Variants in MGAT4C observed in about 807,000 individuals in gnomAD.
MGAT4C encodes MGAT4 family member C, also known as alpha-1,3-mannosyl-glycoprotein 4-beta-N-acetylglucosaminyltransferase C.
Under a neutral mutation model 40.1 loss-of-function variants are expected in MGAT4C, and 19 were observed. The observed-to-expected ratio is 0.47, with a 90% CI of 0.33 to 0.70. The LOEUF is 0.70. MGAT4C is among the 30% of genes least tolerant of loss of function. MGAT4C has a pLI of 0.02. For synonymous variants in MGAT4C, 181 were observed against 187.1 expected, an observed-to-expected ratio of 0.97 and a Z score of 0.27; for missense variants, 491 against 563.2, an observed-to-expected ratio of 0.87 and a Z score of 1.30.
intron 2 of MGAT4C, among the ~76,000 whole-genome samples, chr12:86,676,607 A>C (rs1476322527): frequency 6.6e-6 from 1 of 152,144 alleles, no homozygotes; most frequent in Non-Finnish European, 1.5e-5. Context: ...AATAATTAAG[A>C]GTAATTAGTA....
chr12:86,220,231 T>A (rs910688885), intron 1 of MGAT4C, among the ~76,000 whole-genome samples: 1 of 152,094 alleles, frequency 6.6e-6, no homozygotes, highest in African/African-American at 2.4e-5. Context: ...TGTGGGCAGC[T>A]TTCCCAAGAT....
chr12:86,564,215 G>A (rs771610024), intron 2 of MGAT4C, among the ~76,000 whole-genome samples: 1 of 152,132 alleles, frequency 6.6e-6, no homozygotes, highest in Non-Finnish European at 1.5e-5. Context: ...AACTCCAATT[G>A]CAGCTGCTGT....
intron 3 of MGAT4C, among the ~76,000 whole-genome samples, chr12:86,392,444 C>T (rs1478628538): frequency 1.3e-5 from 2 of 152,086 alleles, no homozygotes; most frequent in African/African-American, 4.8e-5. Context: ...TGCACTCCAG[C>T]CTGGGCTACA....
At chr12:86,083,848 A>T (rs541527158) in intron 1 of MGAT4C, among the ~76,000 whole-genome samples, 75 of 152,204 alleles carry the variant, frequency 4.9e-4, no homozygotes, top group African/African-American at 1.7e-3. Context: ...GGCAAGTTGC[A>T]AAAAGAGAAG....
At chr12:86,305,337 G>A (rs1953907181) in intron 4 of MGAT4C, among the ~76,000 whole-genome samples, 1 of 149,758 alleles carries the variant, frequency 6.7e-6, no homozygotes, top group Non-Finnish European at 1.5e-5. Flanking sequence ...TACAAGGGAG[G>A]CTGAAGCAGG....
At chr12:86,443,203 T>TACACACACAC (rs546506719) in intron 2 of MGAT4C, among the ~76,000 whole-genome samples, 2 of 150,038 alleles carry the variant, frequency 1.3e-5, no homozygotes, top group African/African-American at 5.0e-5. Flanking sequence ...TGTGTATATA[T>TACACACACAC]ATACACACAC....
intron 1 of MGAT4C, among the ~76,000 whole-genome samples, chr12:86,801,259 C>A (rs1196114603): frequency 6.6e-6 from 1 of 151,784 alleles, no homozygotes; most frequent in Non-Finnish European, 1.5e-5. Flanking sequence ...ACAACCACAA[C>A]TTGAGAGAGC....
At chr12:86,406,957 T>C (rs1008896241) in intron 3 of MGAT4C, among the ~76,000 whole-genome samples, 5 of 152,110 alleles carry the variant, frequency 3.3e-5, no homozygotes, top group African/African-American at 1.2e-4. Context: ...CTCAGTCCCA[T>C]ACGATTGTCC....
chr12:86,784,803 T>C (rs1218000058), intron 1 of MGAT4C, among the ~76,000 whole-genome samples: 2 of 152,014 alleles, frequency 1.3e-5, no homozygotes, highest in African/African-American at 4.8e-5. Flanking sequence ...ATGTCTTTGC[T>C]CATACCTGTT....
chr12:86,735,946 A>G (rs931120552), intron 1 of MGAT4C, among the ~76,000 whole-genome samples: 1 of 151,858 alleles, frequency 6.6e-6, no homozygotes, highest in Non-Finnish European at 1.5e-5. Context: ...CAAAGTGGGT[A>G]AGTGTATTTT....
chr12:86,172,209 A>C (rs2135834742), intron 1 of MGAT4C, among the ~76,000 whole-genome samples: 1 of 152,268 alleles, frequency 6.6e-6, no homozygotes, highest in South Asian at 2.1e-4. Flanking sequence ...CATGGACATA[A>C]TAATTATTAT....
chr12:86,600,868 G>A (rs952921595), intron 2 of MGAT4C, among the ~76,000 whole-genome samples: 9 of 152,226 alleles, frequency 5.9e-5, no homozygotes, highest in African/African-American at 1.7e-4. Flanking sequence ...CGCCTCCACA[G>A]GCTCAGAAGT....
chr12:86,648,441 G>A (rs1430256277), intron 2 of MGAT4C, among the ~76,000 whole-genome samples: 1 of 151,888 alleles, frequency 6.6e-6, no homozygotes, highest in Non-Finnish European at 1.5e-5. Context: ...ATTAGAGTAA[G>A]ATTAGGTCAT....
chr12:86,563,877 C>T (rs1254890580), intron 2 of MGAT4C, among the ~76,000 whole-genome samples: 2 of 152,164 alleles, frequency 1.3e-5, no homozygotes, highest in African/African-American at 4.8e-5. Flanking sequence ...GTCATTTCCC[C>T]AGTGCCAGAA....
At chr12:86,701,742 C>T (rs1239150409) in intron 2 of MGAT4C, among the ~76,000 whole-genome samples, 1 of 152,040 alleles carries the variant, frequency 6.6e-6, no homozygotes, top group Non-Finnish European at 1.5e-5. Flanking sequence ...AAAGGTAGGC[C>T]TCTTGTGACA....
intron 4 of MGAT4C, among the ~76,000 whole-genome samples, chr12:86,322,041 C>T (rs1328417958): frequency 6.6e-6 from 1 of 151,626 alleles, no homozygotes; most frequent in Non-Finnish European, 1.5e-5. Context: ...TACTATGCAG[C>T]CATAAAAAAG....
At chr12:86,218,316 A>G (rs1950749028) in intron 1 of MGAT4C, among the ~76,000 whole-genome samples, 1 of 152,140 alleles carries the variant, frequency 6.6e-6, no homozygotes, top group Non-Finnish European at 1.5e-5. Context: ...GACCTGTAAT[A>G]CTATTTTGAT....
At chr12:86,231,849 A>G (rs1951336040) in intron 1 of MGAT4C, among the ~76,000 whole-genome samples, 1 of 152,162 alleles carries the variant, frequency 6.6e-6, no homozygotes, top group Non-Finnish European at 1.5e-5. Context: ...TATAAAATCA[A>G]AGCTTAAAGG....
chr12:86,337,869 A>G (rs979638502), intron 3 of MGAT4C, among the ~76,000 whole-genome samples: 2 of 152,202 alleles, frequency 1.3e-5, no homozygotes, highest in African/African-American at 4.8e-5. Context: ...ACTATGTTGT[A>G]GAAGTCTTTG....
Sources: gnomAD v4.1 joint callset for allele counts (sites outside exome capture counted in the v4.1 genomes callset) on GRCh38, gnomAD v4.1.1 for gene constraint, MANE v1.5 for transcripts, NCBI Gene and HGNC (gene_info 2026-07-23, HGNC 2026-07-21) for gene names.